Variants in CYTH1 observed in about 807,000 individuals in gnomAD.
CYTH1 encodes the protein cytohesin-1.
CYTH1 carries 18 observed loss-of-function variants against 61.8 expected under a neutral mutation model. The observed-to-expected ratio is 0.29, with a 90% CI of 0.20 to 0.43. The LOEUF (loss-of-function observed/expected upper bound fraction) is 0.43. Ranked by LOEUF, CYTH1 falls within the 20% of genes least tolerant of loss-of-function variation. The pLI is 1.00. For missense variants in CYTH1, 336 were observed against 510.5 expected (o/e 0.66, Z 3.29); for synonymous variants, 174 against 184.3 (o/e 0.94, Z 0.45).
intron 11 of CYTH1, among the ~76,000 whole-genome samples, chr17:78,683,227 C>G (rs74001203): frequency 0.016 from 2,439 of 152,238 alleles, 65 homozygotes; most frequent in African/African-American, 0.055. Context: ...AGTCTCTTCA[C>G]AGCTGGTGGT....
chr17:78,700,260 A>G lies in CYTH1; in HGVS notation c.550+71T>C. The G allele has an allele frequency of 7.4e-7, 1 of 1,351,884 alleles. No homozygotes were observed. The highest frequency in any genetic ancestry group is 1.0e-6 in the Non-Finnish European group (1 of 994,584). 83.7% of individuals were successfully genotyped at this position (1,351,884 alleles called of 1,614,324 possible). ...GAATCTCAGCCCTTTTGTTTTAGAA[A>G]TTATCTGGTGCCAAGAAAATAATCC... is the stretch of plus-strand genomic sequence containing the variant. On this transcript the variant is annotated intron_variant, in intron 7 of 13. Transcript: ENST00000446868. The surrounding 1 kb of genome is among the most constrained non-coding windows in gnomAD (Gnocchi z 5.1).
chr17:78,719,252 T>C (rs1183097212), intron 1 of CYTH1, among the ~76,000 whole-genome samples: 1 of 152,202 alleles, frequency 6.6e-6, no homozygotes, highest in Non-Finnish European at 1.5e-5. Context: ...AAGCAAACAG[T>C]AAGCTAAGAG....
chr17:78,701,774 G>A, intron 5 of CYTH1, 23 bp from the exon 6 acceptor site: 1 of 1,611,858 alleles, frequency 6.2e-7, no homozygotes, highest in South Asian at 1.1e-5. Flanking sequence ...GACAAAAAAT[G>A]GGAGAGAAAG....
At position 78,686,832 on chromosome 17, in the gene CYTH1, A is replaced by G. The variant is rs532719836; in HGVS notation, c.891+5585T>C. On this transcript the variant is annotated intron_variant, in intron 11 of 13. Coordinates refer to ENST00000446868, the MANE Select transcript of CYTH1 (RefSeq NM_004762.6). Reference sequence around the variant, plus strand: ...GTTTTGCTTTTGTTGCCCAGGCTGGAGTGCAATGGCGAGATCTTGGCTCAC... The same window carrying G: ...GTTTTGCTTTTGTTGCCCAGGCTGGGGTGCAATGGCGAGATCTTGGCTCAC... Among the ~76,000 whole-genome samples the G allele has an allele frequency of 2.0e-3, 306 of 152,064 alleles. 4 individuals carry two copies. The highest frequency in any genetic ancestry group is 2.3e-3 in the Non-Finnish European group (155 of 67,990).
At chr17:78,774,936 G>A (rs1178321569) in intron 1 of CYTH1, among the ~76,000 whole-genome samples, 8 of 152,282 alleles carry the variant, frequency 5.3e-5, no homozygotes, top group African/African-American at 2.4e-5. Context: ...TCAAACCCCC[G>A]AAGTACCCAC....
At chr17:78,692,533 C>T in intron 10 of CYTH1, 40 bp from the exon 11 acceptor site, 1 of 1,598,954 alleles carries the variant, frequency 6.3e-7, no homozygotes, top group Non-Finnish European at 8.6e-7. Context: ...CAAGAGACAA[C>T]CAGACAAGTG....
chr17:78,742,468 AG>A (rs1224005919), intron 1 of CYTH1, among the ~76,000 whole-genome samples: 1 of 152,046 alleles, frequency 6.6e-6, no homozygotes. Flanking sequence ...AGGCTGAGAC[AG>A]GAAGATCGCT....
At chr17:78,744,964 T>C (rs952145750) in intron 1 of CYTH1, among the ~76,000 whole-genome samples, 1 of 151,914 alleles carries the variant, frequency 6.6e-6, no homozygotes, top group Non-Finnish European at 1.5e-5. Context: ...ATAAGAGAGG[T>C]ATGCATCACA....
At chr17:78,686,457 T>G (rs1423900587) in intron 11 of CYTH1, among the ~76,000 whole-genome samples, 1 of 152,208 alleles carries the variant, frequency 6.6e-6, no homozygotes, top group Non-Finnish European at 1.5e-5. Context: ...TGTGAATCTC[T>G]GATCTGCTTG....
chr17:78,679,197 T>A (rs1008059536), intron 13 of CYTH1, among the ~76,000 whole-genome samples: 5 of 152,214 alleles, frequency 3.3e-5, no homozygotes, highest in African/African-American at 1.2e-4. Flanking sequence ...CACAGAGGAC[T>A]TACAGGGACC....
Position 78,726,391 on chromosome 17 carries a change from G to C in CYTH1, c.23-16659C>G, listed in dbSNP as rs540875210. On this transcript the variant is annotated intron_variant, in intron 1 of 13. Coordinates refer to ENST00000446868, the MANE Select transcript of CYTH1 (RefSeq NM_004762.6). Reference sequence around the variant, plus strand: ...TGCATGGAAACGAGGCCCCCTGTCAGTTACTGTGGAAGAGGCCCCCTGTCA... The same window carrying C: ...TGCATGGAAACGAGGCCCCCTGTCACTTACTGTGGAAGAGGCCCCCTGTCA... Among the ~76,000 whole-genome samples the C allele has an allele frequency of 1.1e-4, 17 of 149,534 alleles. No homozygotes were observed. The South Asian group carries it at 3.5e-3, about 31-fold the overall frequency.
chr17:78,757,062 C>T lies in CYTH1; in HGVS notation c.22+25140G>A, dbSNP rs559682241. ...TCCTGGGTTCACGCCATTCTCCTGCCTCAGCCTCCTGAGTAGATGGGACTA... is the reference window on the plus strand; with the variant it reads ...TCCTGGGTTCACGCCATTCTCCTGCTTCAGCCTCCTGAGTAGATGGGACTA... On this transcript the variant is annotated intron_variant, in intron 1 of 13. Coordinates refer to ENST00000446868, the MANE Select transcript of CYTH1 (RefSeq NM_004762.6). Among the ~76,000 whole-genome samples, 443 of 149,784 alleles carry T rather than the reference C, an allele frequency of 3.0e-3. 1 individual carries two copies. The highest frequency in any genetic ancestry group is 4.7e-3 in the Non-Finnish European group (317 of 67,568).
intron 1 of CYTH1, among the ~76,000 whole-genome samples, chr17:78,780,452 C>T (rs147373726): frequency 2.0e-5 from 3 of 152,160 alleles, no homozygotes; most frequent in South Asian, 4.1e-4. Context: ...GGAAGCAGAG[C>T]GTGCAGTGAG....
Position 78,676,120 on chromosome 17 carries a change from T to C in CYTH1, c.1168A>G (p.Lys390Glu). The C allele has an allele frequency of 6.2e-7, 1 of 1,611,112 alleles. No individual in the cohort carries two copies. The highest frequency in any genetic ancestry group is 8.5e-7 in the Non-Finnish European group (1 of 1,178,888). ...PFYEMLAARKKKVSSTKRH is the reference protein window; with the variant it reads ...PFYEMLAARKEKVSSTKRH ...TGTCGCTTCGTGGAGGAGACCTTCT[T>C]TTTCCGTGCTGCGAGCATTTCGTAG... is the stretch of plus-strand genomic sequence containing the variant. The change falls in exon 14 of 14, where the codon AAG (lysine) becomes GAG (glutamate). Residue 390 changes from lysine (K) to glutamate (E), a missense_variant. Lys to Glu is a moderately conservative substitution (Grantham distance 56). This residue lies in a region of CYTH1 where 83 missense variants were observed against 115.6 expected (regional missense o/e 0.72). Transcript: ENST00000446868.
rs1398747159 is a variant in CYTH1, at chr17:78,782,237, G to C, written c.-14C>G. 1.5e-6 allele frequency: 2 copies of C among 1,310,078 alleles called. No homozygotes were observed. The highest frequency in any genetic ancestry group is 2.0e-6 in the Non-Finnish European group (2 of 1,014,900). The allele number at this position is 1,310,078 out of a possible 1,614,324, so 81.2% of individuals were successfully genotyped here. A position where few individuals can be genotyped will look rare whatever the true frequency, so the allele number is the denominator to read the frequency against. On this transcript the variant is annotated 5_prime_UTR_variant, in exon 1 of 14. Coordinates refer to ENST00000446868, the MANE Select transcript of CYTH1 (RefSeq NM_004762.6). ...GTCCTCCTCCATGGTGCGGGAGCCG[G>C]GCTCCGCGCTCCGGCTCGCCGCTCG... is the stretch of plus-strand genomic sequence containing the variant.
At chr17:78,709,848 G>T in intron 1 of CYTH1, 116 bp from the exon 2 acceptor site, 1 of 830,108 alleles carries the variant, frequency 1.2e-6, no homozygotes, top group Non-Finnish European at 1.9e-6. Flanking sequence ...GTCAGTTTCA[G>T]AAATGACTGA....
chr17:78,689,628 C>T (rs889717053), intron 11 of CYTH1, among the ~76,000 whole-genome samples: 11 of 152,144 alleles, frequency 7.2e-5, no homozygotes, highest in East Asian at 5.8e-4. Context: ...AGACTGGTAC[C>T]GTCCTATGGC....
intron 1 of CYTH1, among the ~76,000 whole-genome samples, chr17:78,744,278 C>A (rs1282179921): frequency 6.6e-6 from 1 of 152,170 alleles, no homozygotes; most frequent in Non-Finnish European, 1.5e-5. Flanking sequence ...CACTTTCAAA[C>A]CACCCTCGTT....
chr17:78,693,594 C>T (rs1376633615), intron 10 of CYTH1, among the ~76,000 whole-genome samples: 1 of 149,452 alleles, frequency 6.7e-6, no homozygotes, highest in African/African-American at 2.5e-5. Context: ...GCACTCCCGC[C>T]TGGGTGACAC....
Sources: allele counts gnomAD v4.1 joint callset (sites outside exome capture counted in the v4.1 genomes callset), GRCh38; gene constraint gnomAD v4.1.1; regional missense constraint gnomAD v4.1.1; non-coding constraint Gnocchi (gnomAD v3.1); transcripts MANE v1.5; gene names NCBI Gene and HGNC (gene_info 2026-07-23, HGNC 2026-07-21).